SLC43A2: variants seen among roughly 807,000 people sequenced by gnomAD.
SLC43A2 encodes the protein large neutral amino acids transporter small subunit 4.
SLC43A2 carries 38 observed loss-of-function variants against 63.2 expected under a neutral mutation model. The observed-to-expected ratio is 0.60, with a 90% CI of 0.46 to 0.79. The LOEUF (loss-of-function observed/expected upper bound fraction) is 0.79, where lower values mean the gene tolerates loss of function less well. Among genes scored for constraint, SLC43A2 ranks in the 30% least tolerant of loss-of-function variants. The probability of loss-of-function intolerance (pLI) is 0.00; values close to 1 mark genes in which losing one functional copy is unlikely to be tolerated. For synonymous variants in SLC43A2, 322 were observed against 331.0 expected (o/e 0.97, Z 0.30); for missense variants, 644 against 756.2 (o/e 0.85, Z 1.74).
chr17:1,595,762 A>C (rs1304770552), intron 5 of SLC43A2, among the ~76,000 whole-genome samples: 1 of 151,882 alleles, frequency 6.6e-6, no homozygotes, highest in African/African-American at 2.4e-5. Flanking sequence ...ATTTTTGTAG[A>C]GATGGGGTCT....
chr17:1,618,454 A>G (rs550801569), intron 2 of SLC43A2, among the ~76,000 whole-genome samples: 1 of 152,360 alleles, frequency 6.6e-6, no homozygotes, highest in East Asian at 1.9e-4. Flanking sequence ...CGTGGTTATC[A>G]TGATCATTGC....
intron 5 of SLC43A2, chr17:1,604,368 G>A (rs1274304937): frequency 5.3e-6 from 1 of 189,152 alleles, no homozygotes; most frequent in East Asian, 1.2e-4. Context: ...TTTTAAATTT[G>A]TTTTTGGAGA....
chr17:1,578,745 G>A lies in SLC43A2; in HGVS notation c.1351-422C>T, dbSNP rs1244178081. The stretch of plus-strand genomic sequence containing the variant: ...GGGTTTCACCATGTTGGCCCGGCTG[G>A]TCTCAAACTCATGACGTTGTGATCC... On this transcript the variant is annotated intron_variant, in intron 11 of 13. Coordinates refer to ENST00000301335, the MANE Select transcript of SLC43A2 (RefSeq NM_152346.3). The surrounding 1 kb of genome is among the most constrained non-coding windows in gnomAD (Gnocchi z 6.5). 1 of 164,354 alleles carries A rather than the reference G, an allele frequency of 6.1e-6. No homozygotes were observed. The highest frequency in any genetic ancestry group is 2.4e-5 in the African/African-American group (1 of 41,732). 10.2% of individuals were successfully genotyped at this position (164,354 alleles called of 1,614,324 possible).
At chr17:1,617,035 C>G (rs1907745939) in intron 2 of SLC43A2, among the ~76,000 whole-genome samples, 1 of 152,230 alleles carries the variant, frequency 6.6e-6, no homozygotes, top group South Asian at 2.1e-4. Flanking sequence ...AAATGCACAC[C>G]AAGGTTTATC....
chr17:1,624,817 A>G (rs1310731344), intron 2 of SLC43A2, among the ~76,000 whole-genome samples: 1 of 152,142 alleles, frequency 6.6e-6, no homozygotes, highest in Non-Finnish European at 1.5e-5. Flanking sequence ...GGATTGCTTG[A>G]GCCCAGGAGT....
At chr17:1,588,138 C>T (rs1417641383) in intron 9 of SLC43A2, among the ~76,000 whole-genome samples, 2 of 152,230 alleles carry the variant, frequency 1.3e-5, no homozygotes, top group Non-Finnish European at 2.9e-5. Context: ...GTGGCTCACG[C>T]CTGTAATCTC....
At chr17:1,604,673 C>T in intron 5 of SLC43A2, 1 of 1,502,944 alleles carries the variant, frequency 6.7e-7, no homozygotes, top group East Asian at 2.5e-5. Context: ...AATGCCCAGT[C>T]CCCAACTAGA....
At chr17:1,610,186 G>A (rs1906970905) in intron 5 of SLC43A2, among the ~76,000 whole-genome samples, 1 of 152,046 alleles carries the variant, frequency 6.6e-6, no homozygotes, top group African/African-American at 2.4e-5. Flanking sequence ...CCAAAGTGCT[G>A]GGATTACAGG....
At chr17:1,627,232 C>T (rs1365601385) in intron 2 of SLC43A2, among the ~76,000 whole-genome samples, 1 of 152,194 alleles carries the variant, frequency 6.6e-6, no homozygotes, top group Admixed American at 6.5e-5. Flanking sequence ...GGAGACTCCA[C>T]AATGGCCTGA....
chr17:1,611,798 G>T lies in SLC43A2; in HGVS notation c.501+1397C>A, dbSNP rs375281203. Among the ~76,000 whole-genome samples, 9 of 152,238 alleles carry T rather than the reference G, an allele frequency of 5.9e-5. No individual in the cohort carries two copies. The East Asian group carries it at 1.5e-3, about 26-fold the overall frequency. ...TTAGAAACTTTTTCACCGGTAAACT[G>T]ATGCAGGCGAGGTTTCCTTGATGGA... On this transcript the variant is annotated intron_variant, in intron 5 of 13. Coordinates refer to ENST00000301335, the MANE Select transcript of SLC43A2 (RefSeq NM_152346.3).
intron 2 of SLC43A2, among the ~76,000 whole-genome samples, chr17:1,626,509 C>T (rs1003110001): frequency 7.9e-5 from 12 of 152,140 alleles, no homozygotes; most frequent in Non-Finnish European, 1.6e-4. Context: ...GTCCTCTCCC[C>T]GCGGCCTCTG....
At chr17:1,596,058 C>T (rs1485587161) in intron 5 of SLC43A2, among the ~76,000 whole-genome samples, 5 of 152,164 alleles carry the variant, frequency 3.3e-5, no homozygotes, top group Admixed American at 6.6e-5. Context: ...CGGTGGCTCA[C>T]ACCTGTCATC....
chr17:1,600,154 T>TATATATTTTTTA (rs1567630909), intron 5 of SLC43A2, among the ~76,000 whole-genome samples: 1 of 28,990 alleles, frequency 3.4e-5, no homozygotes. Flanking sequence ...ATATATATAT[T>TATATATTTTTTA]TTTTTTTTTT....
chr17:1,619,297 G>A (rs373426975), intron 2 of SLC43A2, among the ~76,000 whole-genome samples: 94 of 152,292 alleles, frequency 6.2e-4, no homozygotes, highest in African/African-American at 1.9e-3. Flanking sequence ...GTGAGACCCC[G>A]TCTCGAAAAA....
In SLC43A2 at chr17:1,613,089, G is replaced by C; in HGVS notation, c.501+106C>G. ...GCCCCTCTACTGTTTGGGACACCCA[G>C]GCACATGCAGGCACATGGAAGGCAA... On this transcript the variant is annotated intron_variant, in intron 5 of 13. Transcript: ENST00000301335. 3 of 1,010,470 alleles carry C rather than the reference G, an allele frequency of 3.0e-6. No homozygotes were observed. The South Asian group carries it at 4.3e-5, about 15-fold the overall frequency. The allele number at this position is 1,010,470 out of a possible 1,614,324, so 62.6% of individuals were successfully genotyped here.
At chr17:1,617,132 C>T (rs73976242) in intron 2 of SLC43A2, among the ~76,000 whole-genome samples, 6 of 152,186 alleles carry the variant, frequency 3.9e-5, no homozygotes, top group Non-Finnish European at 4.4e-5. Flanking sequence ...CACCCTAGAA[C>T]GGCAGACCTC....
At position 1,574,472 on chromosome 17, in the gene SLC43A2, A is replaced by G. The variant is rs2075890513; in HGVS notation, c.*1132T>C. 3 of 152,682 alleles carry G rather than the reference A, an allele frequency of 2.0e-5. No homozygotes were observed. The highest frequency in any genetic ancestry group is 2.0e-4 in the Admixed American group (3 of 15,286). 9.5% of individuals were successfully genotyped at this position (152,682 alleles called of 1,614,324 possible). A position where few individuals can be genotyped will look rare whatever the true frequency, so the allele number is the denominator to read the frequency against. On this transcript the variant is annotated 3_prime_UTR_variant, in exon 14 of 14. Transcript: ENST00000301335. ...AATAAAACTGAAGAGAAAATAACTAAAAATCCAAACACAACTCACCCCTCT... is the reference window on the plus strand; with the variant it reads ...AATAAAACTGAAGAGAAAATAACTAGAAATCCAAACACAACTCACCCCTCT...
At chr17:1,581,457 C>G (rs1474402988) in intron 11 of SLC43A2, among the ~76,000 whole-genome samples, 2 of 152,220 alleles carry the variant, frequency 1.3e-5, no homozygotes, top group Admixed American at 1.3e-4. Context: ...CCACGGCCCG[C>G]TGCGCTCTGC....
Position 1,616,698 on chromosome 17 carries a change from A to T in SLC43A2, c.232T>A (p.Trp78Arg). The T allele has an allele frequency of 6.2e-7, 1 of 1,614,152 alleles. No individual in the cohort carries two copies. Among genetic ancestry groups the T allele is most frequent in the Non-Finnish European group, 8.5e-7 (1 of 1,180,034 alleles). ...GHEEVSWMNG[W>R]LSCQAQDEML... ...TCGTCCTGGGCCTGGCAGCTGAGCC[A>T]GCCGTTCATCCAGCTCACCTCCTCG... Residue 78 changes from tryptophan (W) to arginine (R), a missense_variant, in exon 3 of 14, where the codon TGG becomes AGG. By Grantham distance (101) the Trp-to-Arg change is moderately radical. Around this residue, in one of 3 missense-constraint regions of SLC43A2, gnomAD observed 528 missense variants for 623.6 expected, o/e 0.85. Transcript: ENST00000301335.
Sources: allele counts gnomAD v4.1 joint callset (sites outside exome capture counted in the v4.1 genomes callset), GRCh38; gene constraint gnomAD v4.1.1; regional missense constraint gnomAD v4.1.1; non-coding constraint Gnocchi (gnomAD v3.1); transcripts MANE v1.5; gene names NCBI Gene and HGNC (gene_info 2026-07-23, HGNC 2026-07-21).